Variants in NRXN1 observed in about 807,000 individuals in gnomAD.
The protein encoded by NRXN1 is neurexin-1.
NRXN1 carries 39 observed loss-of-function variants against 150.9 expected under a neutral mutation model. The ratio of observed to expected loss-of-function variants is 0.26; its 90% CI spans 0.20 to 0.34. The LOEUF (loss-of-function observed/expected upper bound fraction) is 0.34, where lower values mean the gene tolerates loss of function less well. NRXN1 is among the 10% of genes least tolerant of loss of function. The pLI is 1.00. For synonymous variants in NRXN1, 924 were observed against 757.0 expected (o/e 1.22, Z -3.62); for missense variants, 1,815 against 1,949.9 (o/e 0.93, Z 1.30).
intron 8 of NRXN1, among the ~76,000 whole-genome samples, chr2:50,572,857 T>C (rs1370239729): frequency 6.6e-6 from 1 of 152,194 alleles, no homozygotes; most frequent in Non-Finnish European, 1.5e-5. Flanking sequence ...AGGGTCAAGG[T>C]ATTGAGACAT....
intron 5 of NRXN1, among the ~76,000 whole-genome samples, chr2:50,661,034 T>A (rs1687224017): frequency 6.6e-6 from 1 of 152,014 alleles, no homozygotes; most frequent in African/African-American, 2.4e-5. Context: ...TCATCTAGGT[T>A]CATGACTAGA....
Position 50,317,983 on chromosome 2 carries a change from T to C in NRXN1, c.3365-81013A>G, listed in dbSNP as rs146086854. 4.1e-3 allele frequency among the ~76,000 whole-genome samples: 616 copies of C among 152,072 alleles called. 2 individuals carry two copies. The highest frequency in any genetic ancestry group is 0.014 in the African/African-American group (596 of 41,514). On this transcript the variant is annotated intron_variant, in intron 17 of 22. Transcript: ENST00000401669. Reference sequence around the variant, plus strand: ...TTAAAATACAAACTATAAAGGGAAATACTGATAATTTAACTATATCAAATT... The same window carrying C: ...TTAAAATACAAACTATAAAGGGAAACACTGATAATTTAACTATATCAAATT...
At chr2:50,042,665 A>T (rs1488145440) in intron 21 of NRXN1, among the ~76,000 whole-genome samples, 1 of 138,608 alleles carries the variant, frequency 7.2e-6, no homozygotes, top group Non-Finnish European at 1.5e-5. Flanking sequence ...TTTGTATCAA[A>T]CACTGCATTA....
At chr2:50,285,077 G>T (rs1164951907) in intron 17 of NRXN1, among the ~76,000 whole-genome samples, 2 of 152,112 alleles carry the variant, frequency 1.3e-5, no homozygotes, top group Non-Finnish European at 2.9e-5. Context: ...ATCAATGAGT[G>T]ATGGCAGTTG....
At chr2:50,826,457 G>A (rs980904806) in intron 5 of NRXN1, among the ~76,000 whole-genome samples, 16 of 152,148 alleles carry the variant, frequency 1.1e-4, no homozygotes, top group Admixed American at 2.0e-4. Flanking sequence ...GACATTAGAT[G>A]AAAAGACTAT....
intron 18 of NRXN1, among the ~76,000 whole-genome samples, chr2:50,170,282 ATTTTG>A (rs542755364): frequency 6.6e-6 from 1 of 151,654 alleles, no homozygotes; most frequent in Non-Finnish European, 1.5e-5. Context: ...TCATTAGAAC[ATTTTG>A]TTTTGTTTTG....
At chr2:50,771,013 C>A (rs1702949270) in intron 5 of NRXN1, among the ~76,000 whole-genome samples, 1 of 152,182 alleles carries the variant, frequency 6.6e-6, no homozygotes, top group South Asian at 2.1e-4. Flanking sequence ...AGGCCTAGCA[C>A]ACAGTGGATA....
chr2:50,877,895 A>C (rs1032052524), intron 5 of NRXN1, among the ~76,000 whole-genome samples: 1 of 151,962 alleles, frequency 6.6e-6, no homozygotes, highest in South Asian at 2.1e-4. Context: ...TCTGAGATGG[A>C]GCCATATAGG....
At chr2:50,205,978 T>C (rs2062541203) in intron 18 of NRXN1, among the ~76,000 whole-genome samples, 1 of 151,772 alleles carries the variant, frequency 6.6e-6, no homozygotes, top group African/African-American at 2.4e-5. Flanking sequence ...TTTCAGGGGG[T>C]TCCAAATTTG....
chr2:50,379,932 T>C (rs1257066945), intron 17 of NRXN1, among the ~76,000 whole-genome samples: 43 of 152,200 alleles, frequency 2.8e-4, no homozygotes, highest in Admixed American at 6.6e-5. Flanking sequence ...TCCCAGTAAA[T>C]AGTAGTAACA....
chr2:50,519,985 C>A (rs1573373994), intron 12 of NRXN1, among the ~76,000 whole-genome samples: 2 of 151,844 alleles, frequency 1.3e-5, no homozygotes, highest in East Asian at 1.9e-4. Context: ...ATAATGTTTA[C>A]AAGATGTTGC....
intron 17 of NRXN1, among the ~76,000 whole-genome samples, chr2:50,372,830 A>G (rs2153020984): frequency 6.6e-6 from 1 of 152,232 alleles, no homozygotes; most frequent in East Asian, 1.9e-4. Context: ...CACTCCCCAA[A>G]GACTGTTAGA....
At chr2:50,370,897 G>T (rs573680790) in intron 17 of NRXN1, among the ~76,000 whole-genome samples, 2 of 152,042 alleles carry the variant, frequency 1.3e-5, no homozygotes. Flanking sequence ...GATTACTAAA[G>T]ACAGTCTTGT....
chr2:50,953,484 A>T (rs1429578319), intron 2 of NRXN1, among the ~76,000 whole-genome samples: 1 of 152,186 alleles, frequency 6.6e-6, no homozygotes, highest in Non-Finnish European at 1.5e-5. Context: ...TGAACTCCCT[A>T]AAAATTGAAA....
chr2:50,364,469 A>G (rs2079444763), intron 17 of NRXN1, among the ~76,000 whole-genome samples: 1 of 152,152 alleles, frequency 6.6e-6, no homozygotes, highest in Admixed American at 6.6e-5. Flanking sequence ...TATTTACAGT[A>G]GCATATAAAA....
At chr2:50,534,334 G>T (rs2093197676) in intron 10 of NRXN1, among the ~76,000 whole-genome samples, 1 of 152,106 alleles carries the variant, frequency 6.6e-6, no homozygotes, top group African/African-American at 2.4e-5. Flanking sequence ...CAAAACAGGG[G>T]CCTCATGGTT....
intron 18 of NRXN1, among the ~76,000 whole-genome samples, chr2:50,173,119 T>C (rs2060131008): frequency 6.6e-6 from 1 of 152,218 alleles, no homozygotes; most frequent in East Asian, 1.9e-4. Flanking sequence ...AAGAGGTAAG[T>C]AATCGGAACT....
intron 8 of NRXN1, among the ~76,000 whole-genome samples, chr2:50,557,390 T>C (rs944121861): frequency 1.3e-5 from 2 of 152,180 alleles, no homozygotes; most frequent in Admixed American, 6.5e-5. Flanking sequence ...ATTTAGACTT[T>C]GTTATGACCC....
At chr2:50,670,034 A>G in intron 5 of NRXN1, among the ~76,000 whole-genome samples, 1 of 151,766 alleles carries the variant, frequency 6.6e-6, no homozygotes, top group East Asian at 1.9e-4. Flanking sequence ...TTTTAGGAGT[A>G]GTTTTATACA....
Sources: allele counts gnomAD v4.1 joint callset (sites outside exome capture counted in the v4.1 genomes callset), GRCh38; gene constraint gnomAD v4.1.1; transcripts MANE v1.5; gene names NCBI Gene and HGNC (gene_info 2026-07-23, HGNC 2026-07-21).